The following FHIT variants were observed in gnomAD, a reference collection of about 807,000 sequenced individuals.
FHIT encodes fragile histidine triad diadenosine triphosphatase.
In FHIT, 19 loss-of-function variants were observed where a neutral mutation model predicts 17.9. That is an observed-to-expected ratio of 1.06 (90% CI 0.74 to 1.56). The LOEUF (loss-of-function observed/expected upper bound fraction) is 1.56. FHIT is among the 40% of genes most tolerant of loss of function. The probability of loss-of-function intolerance (pLI) is 0.00; values close to 1 mark genes in which losing one functional copy is unlikely to be tolerated. For missense variants in FHIT, 248 were observed against 189.2 expected (o/e 1.31, Z -1.82); for synonymous variants, 81 against 69.7 (o/e 1.16, Z -0.81).
intron 5 of FHIT, among the ~76,000 whole-genome samples, chr3:60,072,445 C>T (rs746323932): frequency 7.8e-6 from 1 of 127,854 alleles, no homozygotes; most frequent in East Asian, 2.2e-4. Context: ...AACAAAACAT[C>T]GTCAACAACA....
chr3:60,189,221 T>G (rs1158463929), intron 5 of FHIT, among the ~76,000 whole-genome samples: 1 of 151,376 alleles, frequency 6.6e-6, no homozygotes, highest in Non-Finnish European at 1.5e-5. Context: ...TGACAGGTGT[T>G]CAATTTAGAA....
chr3:60,065,313 C>T (rs1251512961), intron 5 of FHIT, among the ~76,000 whole-genome samples: 1 of 152,086 alleles, frequency 6.6e-6, no homozygotes, highest in Non-Finnish European at 1.5e-5. Context: ...CCTGACCTGG[C>T]CATGATCTAA....
intron 5 of FHIT, among the ~76,000 whole-genome samples, chr3:60,116,100 C>A (rs7634622): frequency 6.6e-6 from 1 of 151,866 alleles, no homozygotes; most frequent in Admixed American, 6.5e-5. Flanking sequence ...TTAGCGTTAA[C>A]TATAGACTAG....
intron 3 of FHIT, among the ~76,000 whole-genome samples, chr3:60,853,139 C>T (rs1703220542): frequency 6.6e-6 from 1 of 152,034 alleles, no homozygotes; most frequent in Non-Finnish European, 1.5e-5. Context: ...CCAGAGTTTT[C>T]CACAAAACTC....
chr3:60,264,205 G>A (rs926186388), intron 5 of FHIT, among the ~76,000 whole-genome samples: 2 of 151,884 alleles, frequency 1.3e-5, no homozygotes, highest in African/African-American at 4.8e-5. Flanking sequence ...GTTCTCTGAG[G>A]ACCACTCTGT....
intron 4 of FHIT, among the ~76,000 whole-genome samples, chr3:60,568,762 C>G (rs2037233466): frequency 6.6e-6 from 1 of 152,052 alleles, no homozygotes; most frequent in African/African-American, 2.4e-5. Flanking sequence ...TCCCTTTCAG[C>G]TCTTAGTCAA....
intron 5 of FHIT, among the ~76,000 whole-genome samples, chr3:60,215,801 T>C (rs1258266182): frequency 3.3e-5 from 5 of 152,180 alleles, no homozygotes; most frequent in Non-Finnish European, 5.9e-5. Flanking sequence ...ACACAAAACA[T>C]GTACAGAGCC....
chr3:60,150,908 G>C (rs542381461), intron 5 of FHIT, among the ~76,000 whole-genome samples: 3 of 147,618 alleles, frequency 2.0e-5, no homozygotes, highest in Non-Finnish European at 4.4e-5. Flanking sequence ...GACAGAGCTA[G>C]ACTCCGCCTC....
At position 59,874,956 on chromosome 3, in the gene FHIT, T is replaced by G. The variant is rs1444722232; in HGVS notation, c.348+47390A>C. On this transcript the variant is annotated intron_variant, in intron 8 of 9. Coordinates refer to ENST00000492590, the MANE Select transcript of FHIT (RefSeq NM_002012.4). ...CAAAGCCAAAGGGAAAATCAAGAGT[T>G]TTTAGAAGCATCTCCTATTTCGGCA... 5.9e-5 allele frequency among the ~76,000 whole-genome samples: 9 copies of G among 152,192 alleles called. No homozygotes were observed. In the East Asian group the frequency reaches 1.5e-3, roughly 26 times the overall value.
intron 4 of FHIT, among the ~76,000 whole-genome samples, chr3:60,817,055 A>G (rs1248165023): frequency 2.6e-5 from 4 of 151,980 alleles, no homozygotes. Flanking sequence ...TCTAGGAATT[A>G]AAACATATAT....
chr3:61,166,119 C>T (rs1285019561), intron 2 of FHIT, among the ~76,000 whole-genome samples: 1 of 152,158 alleles, frequency 6.6e-6, no homozygotes, highest in Admixed American at 6.5e-5. Flanking sequence ...TAGCTGATGC[C>T]ACCGTTTTTT....
intron 5 of FHIT, among the ~76,000 whole-genome samples, chr3:60,358,472 A>T (rs1407038578): frequency 6.6e-6 from 1 of 152,232 alleles, no homozygotes; most frequent in Admixed American, 6.5e-5. Context: ...TGGCACAAAG[A>T]TCTCAGGTGT....
intron 3 of FHIT, among the ~76,000 whole-genome samples, chr3:60,961,443 A>C (rs1361469287): frequency 6.6e-6 from 1 of 152,018 alleles, no homozygotes; most frequent in Non-Finnish European, 1.5e-5. Context: ...ATTAGATCCC[A>C]TTTGTCAATT....
chr3:60,845,029 A>G (rs1702877212), intron 3 of FHIT, among the ~76,000 whole-genome samples: 1 of 152,048 alleles, frequency 6.6e-6, no homozygotes, highest in African/African-American at 2.4e-5. Context: ...TACTACTTCT[A>G]TTTATTAAAT....
chr3:60,459,558 C>T (rs2032327282), intron 5 of FHIT, among the ~76,000 whole-genome samples: 1 of 152,136 alleles, frequency 6.6e-6, no homozygotes, highest in Admixed American at 6.6e-5. Flanking sequence ...GGTTTGAAAC[C>T]ACAATAAGCT....
intron 4 of FHIT, among the ~76,000 whole-genome samples, chr3:60,627,518 AT>A (rs2039321686): frequency 6.6e-6 from 1 of 151,506 alleles, no homozygotes. Context: ...CCCTTTTTTA[AT>A]TTTTGAGATG....
intron 4 of FHIT, among the ~76,000 whole-genome samples, chr3:60,643,826 T>A (rs2039787149): frequency 6.6e-6 from 1 of 152,184 alleles, no homozygotes; most frequent in African/African-American, 2.4e-5. Flanking sequence ...AAATAACTTA[T>A]CATCATTAGA....
chr3:61,177,422 T>C (rs2038194325), intron 2 of FHIT, among the ~76,000 whole-genome samples: 2 of 152,132 alleles, frequency 1.3e-5, no homozygotes, highest in African/African-American at 4.8e-5. Context: ...ATAAAAAAAC[T>C]CCTGATCTTT....
chr3:60,347,680 G>T (rs1486069697), intron 5 of FHIT, among the ~76,000 whole-genome samples: 3 of 145,058 alleles, frequency 2.1e-5, no homozygotes, highest in South Asian at 2.5e-4. Flanking sequence ...TGGTTTGGGG[G>T]GGGGGGGGGT....
Sources: allele counts gnomAD v4.1 joint callset (sites outside exome capture counted in the v4.1 genomes callset), GRCh38; gene constraint gnomAD v4.1.1; transcripts MANE v1.5; gene names NCBI Gene and HGNC (gene_info 2026-07-23, HGNC 2026-07-21).